Variants in FBXL2 observed in about 807,000 individuals in gnomAD.
FBXL2 encodes F-box/LRR-repeat protein 2.
FBXL2 carries 38 observed loss-of-function variants against 69.2 expected under a neutral mutation model. That is an observed-to-expected ratio of 0.55 (90% CI 0.42 to 0.72). The LOEUF (loss-of-function observed/expected upper bound fraction) is 0.72. FBXL2 is among the 30% of genes least tolerant of loss of function. The probability of loss-of-function intolerance (pLI) is 0.00; values close to 1 mark genes in which losing one functional copy is unlikely to be tolerated. For synonymous variants in FBXL2, 192 were observed against 201.3 expected, an observed-to-expected ratio of 0.95 and a Z score of 0.39; for missense variants, 354 against 520.3, an observed-to-expected ratio of 0.68 and a Z score of 3.11.
intron 12 of FBXL2, chr3:33,393,590 A>G (rs892124011): frequency 8.0e-6 from 6 of 752,504 alleles, no homozygotes; most frequent in Non-Finnish European, 1.1e-5. Flanking sequence ...AAATGGGAAT[A>G]AACTATTTCT....
intron 2 of FBXL2, chr3:33,303,089 TTAAA>T (rs1206781594): frequency 2.2e-6 from 1 of 456,710 alleles, no homozygotes; most frequent in Non-Finnish European, 4.4e-6. Flanking sequence ...CATGGGCTTT[TTAAA>T]GGACTGCTGC....
chr3:33,375,357 G>C lies in FBXL2; in HGVS notation c.727G>C (p.Gly243Arg). Reference sequence around the variant, plus strand: ...CCGGCTACAGGCTCTCTGCCTTTCGGGTTGCAGCAACCTCACAGATGCCTC... The same window carrying C: ...CCGGCTACAGGCTCTCTGCCTTTCGCGTTGCAGCAACCTCACAGATGCCTC... The part of the protein sequence containing the change: ...CHRLQALCLS[G>R]CSNLTDASLT... The change falls in exon 10 of 15, where the codon GGT (glycine) becomes CGT (arginine). Residue 243 changes from glycine (G) to arginine (R), a missense_variant. Coordinates refer to ENST00000484457, the MANE Select transcript of FBXL2 (RefSeq NM_012157.5). The C allele has an allele frequency of 6.2e-7, 1 of 1,614,206 alleles. No homozygotes were observed. The highest frequency in any genetic ancestry group is 8.5e-7 in the Non-Finnish European group (1 of 1,180,030).
intron 1 of FBXL2, among the ~76,000 whole-genome samples, chr3:33,291,234 G>T (rs990483300): frequency 2.0e-5 from 3 of 152,114 alleles, no homozygotes; most frequent in Non-Finnish European, 2.9e-5. Flanking sequence ...TGGCCTGGAA[G>T]AACTTTTTTA....
At chr3:33,277,163 A>G (rs1414780450), upstream of FBXL2, 2 of 290,450 alleles carry the variant, frequency 6.9e-6, no homozygotes, top group Non-Finnish European at 1.2e-5. Flanking sequence ...ATAATCATGC[A>G]TTACCTGTAT....
intron 8 of FBXL2, 45 bp from the exon 9 acceptor site, chr3:33,373,802 C>A (rs749114578): frequency 3.1e-6 from 5 of 1,613,684 alleles, no homozygotes; most frequent in East Asian, 4.5e-5. Context: ...CCCACTGTTC[C>A]CTCACCTGGA....
intron 2 of FBXL2, among the ~76,000 whole-genome samples, chr3:33,330,966 A>T (rs938820567): frequency 2.0e-5 from 3 of 150,882 alleles, no homozygotes; most frequent in Admixed American, 6.6e-5. Flanking sequence ...TATATTATAA[A>T]ATATTCTATG....
intron 1 of FBXL2, among the ~76,000 whole-genome samples, chr3:33,295,192 T>A (rs2035620825): frequency 6.6e-6 from 1 of 152,222 alleles, no homozygotes; most frequent in African/African-American, 2.4e-5. Context: ...GTGTGACTGT[T>A]ACAACTGTCT....
chr3:33,310,076 A>G (rs1010343130), intron 2 of FBXL2, among the ~76,000 whole-genome samples: 1 of 152,202 alleles, frequency 6.6e-6, no homozygotes, highest in Non-Finnish European at 1.5e-5. Flanking sequence ...TTTTGATGTC[A>G]TAATTTACAT....
At chr3:33,300,880 T>C (rs1376566358) in intron 2 of FBXL2, among the ~76,000 whole-genome samples, 1 of 151,922 alleles carries the variant, frequency 6.6e-6, no homozygotes. Flanking sequence ...AGCTAATTTT[T>C]TTTTTTTTGT....
downstream of FBXL2, among the ~76,000 whole-genome samples, chr3:33,406,845 A>G (rs1016204736): frequency 2.6e-5 from 4 of 152,226 alleles, no homozygotes; most frequent in Non-Finnish European, 5.9e-5. Context: ...CCAATCATAT[A>G]CAGCTCAGAG....
intron 2 of FBXL2, among the ~76,000 whole-genome samples, chr3:33,358,727 T>TA (rs372237274): frequency 1.3e-5 from 2 of 152,340 alleles, no homozygotes; most frequent in African/African-American, 4.8e-5. Flanking sequence ...ACAAGGGAAA[T>TA]ATAAGCTTAA....
intron 4 of FBXL2, among the ~76,000 whole-genome samples, chr3:33,360,499 T>C (rs893878896): frequency 6.6e-6 from 1 of 152,192 alleles, no homozygotes; most frequent in Non-Finnish European, 1.5e-5. Context: ...CATATTGTGG[T>C]GCTCTGCTCT....
intron 9 of FBXL2, among the ~76,000 whole-genome samples, chr3:33,374,377 A>G (rs1231312028): frequency 6.6e-6 from 1 of 152,234 alleles, no homozygotes; most frequent in Non-Finnish European, 1.5e-5. Flanking sequence ...TGGCATTTTC[A>G]TCAGGACATT....
intron 12 of FBXL2, among the ~76,000 whole-genome samples, chr3:33,398,747 TGCCTGATGTAAAAGGAG>T (rs1451889200): frequency 6.6e-6 from 1 of 152,248 alleles, no homozygotes; most frequent in South Asian, 2.1e-4. Flanking sequence ...AACATGGATT[TGCCTGATGTAAAAGGAG>T]TAATGTGGGG....
chr3:33,373,521 G>A (rs1431328765), intron 7 of FBXL2, 57 bp from the exon 8 acceptor site: 90 of 1,611,268 alleles, frequency 5.6e-5, no homozygotes, highest in Non-Finnish European at 7.0e-5. Context: ...CTCAGAGTTG[G>A]TCATTAACTC....
At position 33,277,468 on chromosome 3, in the gene FBXL2, C is replaced by A. The variant is rs1283245884; in HGVS notation, c.-45C>A. The A allele has an allele frequency of 7.9e-7, 1 of 1,272,176 alleles. No homozygotes were observed. The highest frequency in any genetic ancestry group is 1.0e-6 in the Non-Finnish European group (1 of 1,002,070). 78.8% of individuals were successfully genotyped at this position (1,272,176 alleles called of 1,614,324 possible). ...TCACCAGGACAACGGGCGTCGCCGG[C>A]GCCGTGTGACTTCGGGCTGTGGGCT... On this transcript the variant is annotated 5_prime_UTR_variant, in exon 1 of 15. Coordinates refer to ENST00000484457, the MANE Select transcript of FBXL2 (RefSeq NM_012157.5).
At chr3:33,390,222 G>A, downstream of FBXL2, 1 of 1,142,180 alleles carries the variant, frequency 8.8e-7, no homozygotes, top group South Asian at 1.4e-5. Context: ...TTTTCAATAT[G>A]AAACATTTCA....
chr3:33,316,392 C>T (rs571089459), intron 2 of FBXL2, among the ~76,000 whole-genome samples: 1 of 152,174 alleles, frequency 6.6e-6, no homozygotes, highest in South Asian at 2.1e-4. Flanking sequence ...TGTTTTTATT[C>T]CACCCTTAGC....
intron 1 of FBXL2, among the ~76,000 whole-genome samples, chr3:33,293,356 T>C (rs1004457176): frequency 6.6e-6 from 1 of 151,680 alleles, no homozygotes; most frequent in South Asian, 2.1e-4. Context: ...AAGTGGCAGG[T>C]CCCATTAATA....
Sources: allele counts gnomAD v4.1 joint callset (sites outside exome capture counted in the v4.1 genomes callset), GRCh38; gene constraint gnomAD v4.1.1; transcripts MANE v1.5; gene names NCBI Gene and HGNC (gene_info 2026-07-23, HGNC 2026-07-21).